The following SEPTIN1 variants were observed in gnomAD, a reference collection of about 807,000 sequenced individuals.
SEPTIN1 encodes the protein septin-1.
A neutral mutation model predicts 50.7 loss-of-function variants in SEPTIN1; 52 were observed. The ratio of observed to expected loss-of-function variants is 1.03; its 90% CI spans 0.82 to 1.29. The LOEUF (loss-of-function observed/expected upper bound fraction) is 1.29. Among genes scored for constraint, SEPTIN1 ranks in the 50% most tolerant of loss-of-function variants. The pLI is 0.00. For missense variants in SEPTIN1, 455 were observed against 490.7 expected (o/e 0.93, Z 0.69); for synonymous variants, 204 against 189.1 (o/e 1.08, Z -0.65).
At chr16:30,379,640 CTTTTTTTTTTTTT>C (rs71149011) in intron 7 of SEPTIN1, 106 bp from the exon 8 acceptor site, 27 of 239,754 alleles carry the variant, frequency 1.1e-4, no homozygotes, top group Non-Finnish European at 1.3e-4. Context: ...GCCCCTTCCT[CTTTTTTTTTTTTT>C]TTTTTTTTTT....
At position 30,379,466 on chromosome 16, in the gene SEPTIN1, C is replaced by T. The variant is rs1167312814; in HGVS notation, c.744G>A (p.Arg248=). Residue 248 remains arginine (R), a synonymous_variant, in exon 8 of 11, where the codon AGG becomes AGA. Transcript: ENST00000321367. ...VVRDGGNRPV[R]GRRYSWGTVE... ...CGGTCCCCCAGGAGTAGCGGCGTCCCCTCACCGGCCGGTTCCCGCCATCCC... is the reference window on the plus strand; with the variant it reads ...CGGTCCCCCAGGAGTAGCGGCGTCCTCTCACCGGCCGGTTCCCGCCATCCC... 1.9e-6 allele frequency: 3 copies of T among 1,613,958 alleles called. No homozygotes were observed. The highest frequency in any genetic ancestry group is 2.5e-6 in the Non-Finnish European group (3 of 1,180,000).
chr16:30,381,543 C>T lies in SEPTIN1; in HGVS notation c.321-70G>A. 1.3e-6 allele frequency: 2 copies of T among 1,578,126 alleles called. No homozygotes were observed. Among genetic ancestry groups the T allele is most frequent in the South Asian group, 2.2e-5 (2 of 89,442 alleles). On this transcript the variant is annotated intron_variant, in intron 4 of 10. Coordinates refer to ENST00000321367, the MANE Select transcript of SEPTIN1 (RefSeq NM_001365977.2). This position sits in a 1 kb window ranked among gnomAD's most constrained non-coding sequence, Gnocchi z 4.3. ...GGGCAGGGGGCAAGGCTAGCCAGGA[C>T]TGTGGGAGTAGAATGTCATTTCTTT...
At position 30,379,891 on chromosome 16, in the gene SEPTIN1, GC is replaced by G. The variant is rs769436369; in HGVS notation, c.675+40del. The G allele has an allele frequency of 2.7e-6, 3 of 1,098,006 alleles. No homozygotes were observed. The South Asian group carries it at 3.9e-5, about 14-fold the overall frequency. The allele number at this position is 1,098,006 out of a possible 1,614,324, so 68.0% of individuals were successfully genotyped here. A position where few individuals can be genotyped will look rare whatever the true frequency, so the allele number is the denominator to read the frequency against. On this transcript the variant is annotated intron_variant, in intron 7 of 10. Coordinates refer to ENST00000321367, the MANE Select transcript of SEPTIN1 (RefSeq NM_001365977.2). The stretch of plus-strand genomic sequence containing the variant: ...CAAAGTGCTGGGATTACAGACGTGA[GC>G]CACCGTGCCCGGCCTGCCTTCCTTC...
At chr16:30,378,875 AGAGGGAGGGAGG>A (rs1212421895) in intron 9 of SEPTIN1, 131 bp downstream of exon 9, 8 of 414,802 alleles carry the variant, frequency 1.9e-5, no homozygotes, top group South Asian at 7.0e-5. Flanking sequence ...AGAGACGGAG[AGAGGGAGGGAGG>A]GAGGGAGGGA....
Position 30,382,175 on chromosome 16 carries a change from C to T in SEPTIN1, c.114G>A (p.Glu38=), listed in dbSNP as rs750233364. The T allele has an allele frequency of 1.2e-6, 2 of 1,610,524 alleles. No individual in the cohort carries two copies. Among genetic ancestry groups the T allele is most frequent in the Non-Finnish European group, 8.5e-7 (1 of 1,178,398 alleles). The stretch of plus-strand genomic sequence containing the variant: ...TGAGGGTGGATTTCCCTAGGCCTGA[C>T]TCCCCTGTGGACAGAACAGGCCCAA... ...GFDFTLMVAG[E]SGLGKSTLIN... The change falls in exon 3 of 11, where the codon GAG becomes GAA. Residue 38 remains glutamate (E), a synonymous_variant. Coordinates refer to ENST00000321367, the MANE Select transcript of SEPTIN1 (RefSeq NM_001365977.2). The surrounding 1 kb of genome is among the most constrained non-coding windows in gnomAD (Gnocchi z 4.8).
chr16:30,382,780 T>C, upstream of SEPTIN1: 1 of 1,535,818 alleles, frequency 6.5e-7, no homozygotes, highest in Non-Finnish European at 8.7e-7. The surrounding 1 kb of genome is among the most constrained non-coding windows in gnomAD (Gnocchi z 4.8). Context: ...AGTCCCACTG[T>C]AGCTCCATCA....
Position 30,378,186 on chromosome 16 carries a change from G to A in SEPTIN1, c.*248C>T. On this transcript the variant is annotated 3_prime_UTR_variant, in exon 11 of 11. Coordinates refer to ENST00000321367, the MANE Select transcript of SEPTIN1 (RefSeq NM_001365977.2). ...GAAGACAGAGTCTGGGAGAAGAAGG[G>A]GGACTCCGGAAGACAGTGATGCGGT... is the stretch of plus-strand genomic sequence containing the variant. The A allele has an allele frequency of 1.4e-6, 1 of 703,496 alleles. No homozygotes were observed. The highest frequency in any genetic ancestry group is 2.7e-5 in the East Asian group (1 of 37,098). The allele number at this position is 703,496 out of a possible 1,614,324, so 43.6% of individuals were successfully genotyped here.
intron 8 of SEPTIN1, 122 bp from the exon 9 acceptor site, chr16:30,379,305 C>T (rs2049805049): frequency 6.9e-7 from 1 of 1,448,036 alleles, no homozygotes; most frequent in African/African-American, 1.4e-5. Context: ...GGTCTGCAGC[C>T]CAGCGACCCC....
In SEPTIN1 at chr16:30,379,173, T is replaced by G. The variant is rs1555499340; in HGVS notation, c.786A>C (p.Pro262=). 1 of 1,614,068 alleles carries G rather than the reference T, an allele frequency of 6.2e-7. No homozygotes were observed. Among genetic ancestry groups the G allele is most frequent in the South Asian group, 1.1e-5 (1 of 91,070 alleles). ...GCAGGTTCAGGAAATCGCAGTGATG[T>G]GGGTTCTCCACTGGAGGGGGGGCGG... The part of the protein sequence containing the change: ...YSWGTVEVEN[P]HHCDFLNLRR... Residue 262 remains proline (P), a synonymous_variant, in exon 9 of 11, where the codon CCA becomes CCC. Transcript: ENST00000321367.
upstream of SEPTIN1, chr16:30,382,684 A>C: frequency 6.5e-7 from 1 of 1,531,254 alleles, no homozygotes; most frequent in Non-Finnish European, 8.8e-7. This position sits in a 1 kb window ranked among gnomAD's most constrained non-coding sequence, Gnocchi z 4.8. Flanking sequence ...GGCCAAGAAC[A>C]CTTGGGGTTG....
At chr16:30,379,751 C>T (rs1454148203) in intron 7 of SEPTIN1, 181 bp downstream of exon 7, 7 of 564,966 alleles carry the variant, frequency 1.2e-5, no homozygotes, top group South Asian at 2.1e-5. Flanking sequence ...GAATTACAGG[C>T]GCCCACCATC....
At chr16:30,378,919 T>C (rs2049796494) in intron 9 of SEPTIN1, 99 bp downstream of exon 9, 2 of 1,213,356 alleles carry the variant, frequency 1.6e-6, no homozygotes, top group Admixed American at 2.0e-5. Context: ...GTCTGAGTGG[T>C]GAAGGCGGAG....
chr16:30,378,654 G>A lies in SEPTIN1; in HGVS notation c.988C>T (p.Pro330Ser). The A allele has an allele frequency of 6.2e-7, 1 of 1,609,638 alleles. No individual in the cohort carries two copies. The highest frequency in any genetic ancestry group is 2.2e-5 in the East Asian group (1 of 44,758). Residue 330 changes from proline to serine, a missense_variant, in exon 10 of 11, where the codon CCT becomes TCT. Pro to Ser is a moderately conservative substitution (Grantham distance 74). Coordinates refer to ENST00000321367, the MANE Select transcript of SEPTIN1 (RefSeq NM_001365977.2). ...ATCAGCTTCTCGGTGTCCGCCAGAG[G>A]CAGCATGGGCAGCGGGATCTCTGTG... ...SATEIPLPMLPLADTEKLIRE... is the reference protein window; with the variant it reads ...SATEIPLPMLSLADTEKLIRE...
Position 30,379,613 on chromosome 16 carries a change from C to G in SEPTIN1, c.676-79G>C, listed in dbSNP as rs901361631. The stretch of plus-strand genomic sequence containing the variant: ...CTTTCCCAGCTTCAATCTCCACACC[C>G]GCCTCCTCTGCTTCCTGCCCCTTCC... On this transcript the variant is annotated intron_variant, in intron 7 of 10. Transcript: ENST00000321367. 6.5e-6 allele frequency: 6 copies of G among 922,882 alleles called. No homozygotes were observed. The Admixed American group carries it at 1.1e-4, about 17-fold the overall frequency. The allele number at this position is 922,882 out of a possible 1,614,324, so 57.2% of individuals were successfully genotyped here.
At position 30,380,047 on chromosome 16, in the gene SEPTIN1, G is replaced by A. The variant is rs778464897; in HGVS notation, c.574-14C>T. Reference sequence around the variant, plus strand: ...CTGATCCCGGATCTCAGGGGAAACAGATATAGAGACAGTGTGAAACGGGCC... The same window carrying A: ...CTGATCCCGGATCTCAGGGGAAACAAATATAGAGACAGTGTGAAACGGGCC... On this transcript the variant is annotated splice_polypyrimidine_tract_variant and intron_variant, in intron 6 of 10. Coordinates refer to ENST00000321367, the MANE Select transcript of SEPTIN1 (RefSeq NM_001365977.2). The A allele has an allele frequency of 6.2e-7, 1 of 1,603,020 alleles. No homozygotes were observed. The highest frequency in any genetic ancestry group is 8.5e-7 in the Non-Finnish European group (1 of 1,174,406).
Position 30,379,454 on chromosome 16 carries a change from G to C in SEPTIN1, c.756C>G (p.Tyr252Ter), listed in dbSNP as rs2049808704. The C allele has an allele frequency of 1.2e-6, 2 of 1,613,894 alleles. No individual in the cohort carries two copies. The highest frequency in any genetic ancestry group is 1.6e-4 in the Middle Eastern group (1 of 6,062). ...ACTCACCCTCCACGGTCCCCCAGGA[G>C]TAGCGGCGTCCCCTCACCGGCCGGT... ...GGNRPVRGRR[Y>*]SWGTVEVENP... The change falls in exon 8 of 11, where the codon TAC (tyrosine) becomes TAG (stop). Residue 252 changes from tyrosine (Y) to a stop codon, truncating the protein, a stop_gained. Coordinates refer to ENST00000321367, the MANE Select transcript of SEPTIN1 (RefSeq NM_001365977.2). LOFTEE classifies it high-confidence loss of function.
intron 7 of SEPTIN1, 132 bp from the exon 8 acceptor site, chr16:30,379,666 T>TTTTTTTAG (rs2049814819): frequency 1.6e-6 from 1 of 615,998 alleles, no homozygotes; most frequent in South Asian, 2.1e-5. Context: ...TTTTTTTTTT[T>TTTTTTTAG]GAGACAGGGT....
At chr16:30,379,683 C>T (rs1205670096) in intron 7 of SEPTIN1, 149 bp from the exon 8 acceptor site, 8 of 532,040 alleles carry the variant, frequency 1.5e-5, no homozygotes, top group South Asian at 6.5e-5. Flanking sequence ...GGGTCTCACT[C>T]CATTGCCCAG....
upstream of SEPTIN1, chr16:30,382,591 G>A (rs753060530): frequency 1.9e-6 from 3 of 1,563,696 alleles, no homozygotes; most frequent in Non-Finnish European, 1.7e-6. The surrounding 1 kb of genome is among the most constrained non-coding windows in gnomAD (Gnocchi z 4.8). Flanking sequence ...GCAGGAAGCT[G>A]AGTGCGGCTA....
Sources: allele counts gnomAD v4.1 joint callset, GRCh38; gene constraint gnomAD v4.1.1; non-coding constraint Gnocchi (gnomAD v3.1); transcripts MANE v1.5; gene names NCBI Gene and HGNC (gene_info 2026-07-23, HGNC 2026-07-21).